ARHGEF26: variants seen among roughly 807,000 people sequenced by gnomAD.
ARHGEF26 encodes Rho guanine nucleotide exchange factor (GEF) 26.
ARHGEF26 carries 59 observed loss-of-function variants against 89.4 expected under a neutral mutation model. The ratio of observed to expected loss-of-function variants is 0.66; its 90% CI spans 0.54 to 0.82. The LOEUF (loss-of-function observed/expected upper bound fraction) is 0.82, where lower values mean the gene tolerates loss of function less well. Ranked by LOEUF, ARHGEF26 falls within the 40% of genes least tolerant of loss-of-function variation. ARHGEF26 has a pLI of 0.00. For missense variants in ARHGEF26, 1,234 were observed against 1,085.6 expected (o/e 1.14, Z -1.92); for synonymous variants, 500 against 428.4 (o/e 1.17, Z -2.06).
intron 6 of ARHGEF26, among the ~76,000 whole-genome samples, chr3:154,176,712 A>G (rs1179461607): frequency 1.3e-5 from 2 of 152,188 alleles, no homozygotes; most frequent in East Asian, 3.8e-4. Flanking sequence ...TTCGGTTTGA[A>G]AAGCCGGGTC....
chr3:154,124,372 C>CTTT (rs10688646), intron 2 of ARHGEF26, 38 bp from the exon 3 acceptor site: 17,145 of 996,644 alleles, frequency 0.017, 80 homozygotes, highest in East Asian at 0.093. Context: ...TTTGCTTTTC[C>CTTT]TTTTTTTTTT....
Position 154,255,868 on chromosome 3 carries a change from G to T in ARHGEF26, c.*395G>T, listed in dbSNP as rs1718466718. 1.0e-6 allele frequency: 1 copy of T among 998,976 alleles called. No homozygotes were observed. The highest frequency in any genetic ancestry group is 1.2e-6 in the Non-Finnish European group (1 of 839,002). 61.9% of individuals were successfully genotyped at this position (998,976 alleles called of 1,614,324 possible). On this transcript the variant is annotated 3_prime_UTR_variant, in exon 15 of 15. Transcript: ENST00000465093. ...TATACATCCTTGTATGGTTCTCCCA[G>T]TATTAGCAAGATTGTATATCTGTAA... is the stretch of plus-strand genomic sequence containing the variant.
chr3:154,199,513 C>T (rs982966104), intron 9 of ARHGEF26, among the ~76,000 whole-genome samples: 1 of 152,142 alleles, frequency 6.6e-6, no homozygotes, highest in Non-Finnish European at 1.5e-5. Flanking sequence ...GTAAACAGTG[C>T]TGCAGCCAAC....
At chr3:154,182,422 TCA>T (rs1468636664) in intron 6 of ARHGEF26, among the ~76,000 whole-genome samples, 1 of 152,160 alleles carries the variant, frequency 6.6e-6, no homozygotes, top group African/African-American at 2.4e-5. Flanking sequence ...CAATATTTGA[TCA>T]CACTGTGTCA....
At chr3:154,198,426 A>G (rs186419112) in intron 9 of ARHGEF26, among the ~76,000 whole-genome samples, 3 of 152,250 alleles carry the variant, frequency 2.0e-5, no homozygotes, top group Non-Finnish European at 4.4e-5. Flanking sequence ...ACACTTGCAC[A>G]CTCATGTTTA....
intron 9 of ARHGEF26, among the ~76,000 whole-genome samples, chr3:154,215,075 G>A (rs1286405623): frequency 6.6e-6 from 1 of 152,108 alleles, no homozygotes; most frequent in Non-Finnish European, 1.5e-5. Flanking sequence ...AAAGCATGCT[G>A]GTGACTTTCT....
intron 11 of ARHGEF26, among the ~76,000 whole-genome samples, chr3:154,227,858 A>G (rs1337311141): frequency 6.6e-6 from 1 of 152,236 alleles, no homozygotes; most frequent in Non-Finnish European, 1.5e-5. Flanking sequence ...AATTTTAAAT[A>G]TAAATGTAAT....
At chr3:154,203,518 A>G (rs541630705) in intron 9 of ARHGEF26, among the ~76,000 whole-genome samples, 1 of 152,308 alleles carries the variant, frequency 6.6e-6, no homozygotes, top group East Asian at 1.9e-4. Flanking sequence ...TTCCAGTACT[A>G]TGTCAAATAA....
rs558415611 is a variant in ARHGEF26 at position 154,240,196 on chromosome 3, G to T, written c.2091-174G>T. Among the ~76,000 whole-genome samples the T allele has an allele frequency of 2.6e-5, 4 of 152,222 alleles. No homozygotes were observed. In the South Asian group the frequency reaches 8.3e-4, roughly 32 times the overall value. On this transcript the variant is annotated intron_variant, in intron 11 of 14. Transcript: ENST00000465093. ...AGGTTTAATTGGAGGGGGTTACATTGATTCATAATCAGTAGATAGAATTCA... is the reference window on the plus strand; with the variant it reads ...AGGTTTAATTGGAGGGGGTTACATTTATTCATAATCAGTAGATAGAATTCA...
At chr3:154,211,007 A>G (rs1314491392) in intron 9 of ARHGEF26, among the ~76,000 whole-genome samples, 2 of 151,642 alleles carry the variant, frequency 1.3e-5, no homozygotes, top group Non-Finnish European at 2.9e-5. Flanking sequence ...AACAGTGAGC[A>G]TTACCCTCTC....
chr3:154,237,760 C>T (rs1049548968), intron 11 of ARHGEF26, among the ~76,000 whole-genome samples: 4 of 152,152 alleles, frequency 2.6e-5, no homozygotes, highest in Admixed American at 1.3e-4. Flanking sequence ...ATACCTACAA[C>T]GCCTACACAC....
chr3:154,251,116 C>A (rs1718122031), intron 12 of ARHGEF26, among the ~76,000 whole-genome samples: 1 of 152,160 alleles, frequency 6.6e-6, no homozygotes. Context: ...ACCACAGTTT[C>A]CACCCTTCCT....
intron 6 of ARHGEF26, among the ~76,000 whole-genome samples, chr3:154,159,580 A>G (rs533039066): frequency 1.3e-5 from 2 of 152,250 alleles, no homozygotes; most frequent in African/African-American, 4.8e-5. Flanking sequence ...AACTCTATTA[A>G]AATTGAAATG....
At chr3:154,173,531 AC>A (rs1204167018) in intron 6 of ARHGEF26, among the ~76,000 whole-genome samples, 3 of 152,220 alleles carry the variant, frequency 2.0e-5, no homozygotes, top group Non-Finnish European at 4.4e-5. Flanking sequence ...ACATTTTACA[AC>A]CATACATTTG....
At chr3:154,216,359 G>C (rs1314885338) in intron 9 of ARHGEF26, among the ~76,000 whole-genome samples, 1 of 151,614 alleles carries the variant, frequency 6.6e-6, no homozygotes, top group Non-Finnish European at 1.5e-5. Flanking sequence ...AGATAATTTT[G>C]CTTTATAGAT....
intron 4 of ARHGEF26, among the ~76,000 whole-genome samples, chr3:154,132,800 A>G (rs1326891842): frequency 1.3e-5 from 2 of 152,138 alleles, no homozygotes; most frequent in East Asian, 1.9e-4. Flanking sequence ...TGTATATATT[A>G]AACCTAGCAT....
intron 9 of ARHGEF26, among the ~76,000 whole-genome samples, chr3:154,204,522 G>C (rs886978291): frequency 6.6e-6 from 1 of 151,302 alleles, no homozygotes; most frequent in African/African-American, 2.4e-5. Context: ...GTAGAGATGG[G>C]GTTTCACCAT....
chr3:154,193,489 G>C (rs1382362470), intron 8 of ARHGEF26, among the ~76,000 whole-genome samples: 1 of 152,150 alleles, frequency 6.6e-6, no homozygotes, highest in Non-Finnish European at 1.5e-5. Context: ...CCAGTGACTT[G>C]CTAGTAGCCA....
chr3:154,141,950 C>T (rs1279305327), intron 4 of ARHGEF26, among the ~76,000 whole-genome samples: 3 of 152,122 alleles, frequency 2.0e-5, no homozygotes, highest in African/African-American at 4.8e-5. Context: ...GTGAATGAGG[C>T]AAACAAAACA....
Sources: gnomAD v4.1 joint callset for allele counts (sites outside exome capture counted in the v4.1 genomes callset) on GRCh38, gnomAD v4.1.1 for gene constraint, MANE v1.5 for transcripts, NCBI Gene and HGNC (gene_info 2026-07-23, HGNC 2026-07-21) for gene names.